Variants in GK5 observed in about 807,000 individuals in gnomAD.
GK5 encodes ATP:glycerol 3-phosphotransferase 5.
In GK5, 39 loss-of-function variants were observed where a neutral mutation model predicts 77.3. The ratio of observed to expected loss-of-function variants is 0.50; its 90% confidence interval spans 0.39 to 0.66. GK5 has a LOEUF of 0.66. Ranked by LOEUF, GK5 falls within the 30% of genes least tolerant of loss-of-function variation. The pLI, the probability that GK5 is intolerant of heterozygous loss-of-function variation, is 0.00. For synonymous variants in GK5, 211 were observed against 208.0 expected (o/e 1.01, Z -0.13); for missense variants, 487 against 633.8 (o/e 0.77, Z 2.49).
intron 15 of GK5, among the ~76,000 whole-genome samples, chr3:142,167,320 C>T (rs1156228771): frequency 6.6e-6 from 1 of 151,798 alleles, no homozygotes; most frequent in East Asian, 1.9e-4. Flanking sequence ...GTTGCAATGA[C>T]CCGAGATCGC....
chr3:142,211,034 C>T (rs2064182524), intron 3 of GK5, among the ~76,000 whole-genome samples: 1 of 152,242 alleles, frequency 6.6e-6, no homozygotes, highest in Admixed American at 6.5e-5. Flanking sequence ...ACCCGCAGTC[C>T]AAATCCTTAG....
chr3:142,218,972 A>C (rs1425392651), intron 1 of GK5, among the ~76,000 whole-genome samples: 9 of 152,242 alleles, frequency 5.9e-5, no homozygotes, highest in African/African-American at 2.2e-4. Flanking sequence ...CATGTGGATT[A>C]CAAATATGTA....
chr3:142,202,267 A>G (rs774950555), intron 4 of GK5, among the ~76,000 whole-genome samples: 1 of 152,214 alleles, frequency 6.6e-6, no homozygotes, highest in Non-Finnish European at 1.5e-5. Context: ...AATAAGAACA[A>G]AAAAGTAAGC....
intron 1 of GK5, among the ~76,000 whole-genome samples, chr3:142,224,306 G>T (rs984339164): frequency 6.6e-6 from 1 of 152,118 alleles, no homozygotes; most frequent in African/African-American, 2.4e-5. Context: ...AGCTACTTGG[G>T]GGGCTGAGGT....
chr3:142,204,741 C>T lies in GK5; in HGVS notation c.365G>A (p.Arg122Lys). 3 of 1,589,116 alleles carry T rather than the reference C, an allele frequency of 1.9e-6. No homozygotes were observed. The highest frequency in any genetic ancestry group is 2.6e-6 in the Non-Finnish European group (3 of 1,161,572). ...FHNFISWQDL[R>K]AVELVKSWNN... ...CCAAGATTTTACAAGTTCAACAGCTCTTAAGTCTTGCCAACTTATAAAGTT... is the reference window on the plus strand; with the variant it reads ...CCAAGATTTTACAAGTTCAACAGCTTTTAAGTCTTGCCAACTTATAAAGTT... Residue 122 changes from arginine to lysine, a missense_variant, in exon 4 of 16, where the codon AGA becomes AAA. By Grantham distance (26) the Arg-to-Lys change is conservative. Coordinates refer to ENST00000392993, the MANE Select transcript of GK5 (RefSeq NM_001039547.3).
chr3:142,196,264 G>A (rs1304365485), intron 5 of GK5, among the ~76,000 whole-genome samples: 1 of 151,592 alleles, frequency 6.6e-6, no homozygotes, highest in Non-Finnish European at 1.5e-5. Context: ...AGCAACTTTC[G>A]GTTTTATTGA....
chr3:142,204,623 A>G, intron 4 of GK5, 72 bp downstream of exon 4: 1 of 869,998 alleles, frequency 1.1e-6, no homozygotes, highest in Non-Finnish European at 2.0e-6. Context: ...ATAGGTAGGA[A>G]ATAATACAAT....
intron 15 of GK5, among the ~76,000 whole-genome samples, chr3:142,166,200 T>C (rs1313396670): frequency 1.3e-5 from 2 of 152,060 alleles, no homozygotes; most frequent in African/African-American, 4.8e-5. Context: ...TGAGCTATGA[T>C]TATATCACTG....
intron 15 of GK5, among the ~76,000 whole-genome samples, chr3:142,169,925 A>G (rs1001040431): frequency 2.0e-5 from 3 of 152,122 alleles, no homozygotes; most frequent in Non-Finnish European, 4.4e-5. Flanking sequence ...CACCCGCTTC[A>G]GCCTCCCAAA....
rs906508884 is a variant in GK5, at chr3:142,158,802, C to G, written c.*6820G>C. On this transcript the variant is annotated 3_prime_UTR_variant, in exon 16 of 16. Transcript: ENST00000392993. ...AAAAAGGTTAGAAACATTATGATAA[C>G]TATGTACAAAGTATATATCTGTATA... The G allele has an allele frequency of 6.6e-6, 1 of 152,336 alleles. No homozygotes were observed. The highest frequency in any genetic ancestry group is 1.5e-5 in the Non-Finnish European group (1 of 68,030). The allele number at this position is 152,336 out of a possible 1,614,324, so 9.4% of individuals were successfully genotyped here. A position where few individuals can be genotyped will look rare whatever the true frequency, so the allele number is the denominator to read the frequency against.
In GK5 at chr3:142,181,540, C is replaced by G; in HGVS notation, c.969G>C (p.Lys323Asn). Residue 323 changes from lysine (K) to asparagine (N), a missense_variant, in exon 11 of 16, where the codon AAG becomes AAC. By Grantham distance (94) the Lys-to-Asn change is moderately conservative. Coordinates refer to ENST00000392993, the MANE Select transcript of GK5 (RefSeq NM_001039547.3). ...CTAAGCATACGACTTCTTGCCCAAT[C>G]TTCCACCCAATTAATGGATAAAAGC... ...TGGFYPLIGWKIGQEVVCLAE... is the reference protein window; with the variant it reads ...TGGFYPLIGWNIGQEVVCLAE... 3.1e-6 allele frequency: 5 copies of G among 1,613,200 alleles called. No homozygotes were observed. The highest frequency in any genetic ancestry group is 4.2e-6 in the Non-Finnish European group (5 of 1,179,434).
rs2064418714 is a variant in GK5, at chr3:142,225,530, CCGGG to C, written c.-79_-76del. On this transcript the variant is annotated 5_prime_UTR_variant, in exon 1 of 16. Coordinates refer to ENST00000392993, the MANE Select transcript of GK5 (RefSeq NM_001039547.3). ...TACAAATCCCAATGCTCCAGAGTCC[CCGGG>C]CGGCCCAACCCGGGCCCCAACCCGG... 3 of 1,524,046 alleles carry C rather than the reference CCGGG, an allele frequency of 2.0e-6. No individual in the cohort carries two copies. Among genetic ancestry groups the C allele is most frequent in the Non-Finnish European group, 2.6e-6 (3 of 1,141,270 alleles). 94.4% of individuals were successfully genotyped at this position (1,524,046 alleles called of 1,614,324 possible).
intron 15 of GK5, among the ~76,000 whole-genome samples, chr3:142,169,724 T>C (rs1357799305): frequency 6.9e-6 from 1 of 145,538 alleles, no homozygotes; most frequent in Non-Finnish European, 1.5e-5. Context: ...CAGGATGGAA[T>C]GCAGTGGCAC....
At chr3:142,217,338 G>A (rs564537060) in intron 1 of GK5, among the ~76,000 whole-genome samples, 3 of 151,888 alleles carry the variant, frequency 2.0e-5, no homozygotes, top group Non-Finnish European at 4.4e-5. Flanking sequence ...AGTCATAAAA[G>A]ACATAAAAAA....
chr3:142,198,486 C>T (rs527486684), intron 5 of GK5, among the ~76,000 whole-genome samples: 9 of 152,132 alleles, frequency 5.9e-5, no homozygotes, highest in East Asian at 3.9e-4. Flanking sequence ...TGGTGGCACG[C>T]GCCTGTAGTC....
intron 1 of GK5, among the ~76,000 whole-genome samples, chr3:142,220,888 A>G (rs980532712): frequency 6.6e-6 from 1 of 152,194 alleles, no homozygotes; most frequent in Non-Finnish European, 1.5e-5. Flanking sequence ...AAGTCTTTAT[A>G]AGGAGCCCCA....
At chr3:142,191,925 A>T (rs1283572006) in intron 5 of GK5, among the ~76,000 whole-genome samples, 1 of 152,076 alleles carries the variant, frequency 6.6e-6, no homozygotes. Flanking sequence ...TGAGCCCATG[A>T]GTTTTGAGGC....
At chr3:142,182,348 A>G (rs759431634) in intron 10 of GK5, among the ~76,000 whole-genome samples, 1 of 151,462 alleles carries the variant, frequency 6.6e-6, no homozygotes, top group African/African-American at 2.4e-5. Flanking sequence ...CCTAGTAAGA[A>G]GATTTTTTTT....
intron 6 of GK5, among the ~76,000 whole-genome samples, chr3:142,186,977 T>G (rs888837668): frequency 5.3e-5 from 8 of 152,138 alleles, no homozygotes; most frequent in African/African-American, 1.9e-4. Context: ...AATTTCCCAC[T>G]TAATATTTAT....
Sources: gnomAD v4.1 joint callset for allele counts (sites outside exome capture counted in the v4.1 genomes callset) on GRCh38, gnomAD v4.1.1 for gene constraint, MANE v1.5 for transcripts, NCBI Gene and HGNC (gene_info 2026-07-23, HGNC 2026-07-21) for gene names.